The following RPH3A variants were observed in gnomAD, a reference collection of about 807,000 sequenced individuals.
RPH3A encodes rabphilin 3A.
Under a neutral mutation model 102.2 loss-of-function variants are expected in RPH3A, and 48 were observed. The ratio of observed to expected loss-of-function variants is 0.47; its 90% CI spans 0.37 to 0.60. The LOEUF (loss-of-function observed/expected upper bound fraction) is 0.60. Ranked by LOEUF, RPH3A falls within the 20% of genes least tolerant of loss-of-function variation. The pLI is 0.00. For synonymous variants in RPH3A, 310 were observed against 324.3 expected (o/e 0.96, Z 0.47); for missense variants, 781 against 910.1 (o/e 0.86, Z 1.83).
At chr12:112,711,059 A>G (rs1187257080) in intron 1 of RPH3A, among the ~76,000 whole-genome samples, 1 of 152,220 alleles carries the variant, frequency 6.6e-6, no homozygotes, top group African/African-American at 2.4e-5. Flanking sequence ...GATCAAGAAC[A>G]GCGTTTGGGA....
chr12:112,880,764 A>ATGT (rs2042895632), intron 14 of RPH3A, among the ~76,000 whole-genome samples: 1 of 152,240 alleles, frequency 6.6e-6, no homozygotes, highest in African/African-American at 2.4e-5. Context: ...TGACAACATA[A>ATGT]ACAATCAATG....
At chr12:112,702,942 C>A (rs1477188691) in intron 1 of RPH3A, among the ~76,000 whole-genome samples, 1 of 152,182 alleles carries the variant, frequency 6.6e-6, no homozygotes, top group Non-Finnish European at 1.5e-5. Context: ...TTCCCTTTCC[C>A]ATCTAGTTTT....
At chr12:112,591,467 C>T (rs2039477666) in intron 1 of RPH3A, 1 of 152,216 alleles carries the variant, frequency 6.6e-6, no homozygotes, top group Non-Finnish European at 1.5e-5. Flanking sequence ...ATTTAGTGGT[C>T]CCTGTAGCCA....
chr12:112,881,780 G>A lies in RPH3A; in HGVS notation c.1260G>A (p.Lys420=). 1.9e-6 allele frequency: 3 copies of A among 1,611,662 alleles called. No individual in the cohort carries two copies. The highest frequency in any genetic ancestry group is 2.5e-6 in the Non-Finnish European group (3 of 1,178,504). The change falls in exon 15 of 22, where the codon AAG becomes AAA. Residue 420 remains lysine, a synonymous_variant. Coordinates refer to ENST00000389385, the MANE Select transcript of RPH3A (RefSeq NM_001143854.2). ...GCCTCCTTCTCTTGCAGGGCCTGAA[G>A]CCCATGGATTCAAACGGCTTGGCTG... ...QCTIIKAKGL[K]PMDSNGLADP... is the part of the protein sequence containing the mutation.
intron 1 of RPH3A, among the ~76,000 whole-genome samples, chr12:112,633,212 C>T (rs959926672): frequency 6.6e-6 from 1 of 152,006 alleles, no homozygotes; most frequent in South Asian, 2.1e-4. Context: ...AAAACAACAA[C>T]AAGAAACAAA....
chr12:112,831,620 T>G, intron 3 of RPH3A: 1 of 277,710 alleles, frequency 3.6e-6, no homozygotes, highest in Non-Finnish European at 7.1e-6. Context: ...TTCCTGAATC[T>G]TGGTGCTTCT....
intron 1 of RPH3A, chr12:112,649,380 A>G (rs2039957675): frequency 6.6e-6 from 1 of 152,206 alleles, no homozygotes; most frequent in African/African-American, 2.4e-5. Context: ...AACTAAGGTG[A>G]TGGAGGCAGT....
chr12:112,786,069 G>A (rs757254230), intron 1 of RPH3A, among the ~76,000 whole-genome samples: 5 of 152,176 alleles, frequency 3.3e-5, no homozygotes, highest in African/African-American at 9.7e-5. Context: ...ACTGAGGTTC[G>A]GAGCATGCCA....
chr12:112,730,185 T>C (rs987138058), intron 1 of RPH3A, among the ~76,000 whole-genome samples: 2 of 152,226 alleles, frequency 1.3e-5, no homozygotes, highest in African/African-American at 2.4e-5. Context: ...CTTGGACTTC[T>C]AGCTTCCGAC....
intron 19 of RPH3A, among the ~76,000 whole-genome samples, chr12:112,891,902 A>C (rs2043102334): frequency 6.6e-6 from 1 of 152,242 alleles, no homozygotes; most frequent in South Asian, 2.1e-4. Flanking sequence ...TGTGTCAGAC[A>C]TCAGGCCCTA....
intron 1 of RPH3A, among the ~76,000 whole-genome samples, chr12:112,619,741 G>C (rs1246372120): frequency 6.6e-6 from 1 of 152,018 alleles, no homozygotes; most frequent in Non-Finnish European, 1.5e-5. Flanking sequence ...ATCCTAGTGA[G>C]TATGAAGTCT....
At chr12:112,695,413 A>G (rs909549896) in intron 1 of RPH3A, among the ~76,000 whole-genome samples, 3 of 152,220 alleles carry the variant, frequency 2.0e-5, no homozygotes, top group African/African-American at 7.2e-5. Flanking sequence ...AATCTTTTTT[A>G]AAAGATTGAG....
At position 112,879,940 on chromosome 12, in the gene RPH3A, G is replaced by C. The variant is rs140769563; in HGVS notation, c.1251+742G>C. Among the ~76,000 whole-genome samples the C allele has an allele frequency of 8.5e-5, 13 of 152,316 alleles. No individual in the cohort carries two copies. The South Asian group carries it at 2.7e-3, about 32-fold the overall frequency. On this transcript the variant is annotated intron_variant, in intron 14 of 21. Coordinates refer to ENST00000389385, the MANE Select transcript of RPH3A (RefSeq NM_001143854.2). ...TCTCAGTGTGCCTATTTGTAAATTG[G>C]GGATAATAGTAGTGTATCTCCCATA...
intron 1 of RPH3A, among the ~76,000 whole-genome samples, chr12:112,752,589 C>T (rs2040792030): frequency 9.0e-6 from 1 of 111,304 alleles, no homozygotes; most frequent in South Asian, 3.5e-4. Context: ...TATGAGCAGG[C>T]AAGTCTTTTT....
At chr12:112,852,400 A>C (rs928280651) in intron 5 of RPH3A, among the ~76,000 whole-genome samples, 2 of 152,202 alleles carry the variant, frequency 1.3e-5, no homozygotes, top group African/African-American at 4.8e-5. Context: ...ATTGGTGGCT[A>C]TCTTTATCCC....
intron 1 of RPH3A, among the ~76,000 whole-genome samples, chr12:112,639,507 C>T (rs926647213): frequency 3.9e-5 from 6 of 152,082 alleles, no homozygotes; most frequent in South Asian, 4.2e-4. Context: ...GGAGAGGTGA[C>T]GGGAGGAAGA....
chr12:112,678,446 C>T (rs2040203461), intron 1 of RPH3A, among the ~76,000 whole-genome samples: 1 of 151,970 alleles, frequency 6.6e-6, no homozygotes, highest in South Asian at 2.1e-4. Context: ...GAAACTTGAT[C>T]GGCCTTGAAT....
chr12:112,828,489 G>A (rs1240499259), intron 3 of RPH3A, 100 bp downstream of exon 3: 1 of 861,226 alleles, frequency 1.2e-6, no homozygotes, highest in African/African-American at 1.7e-5. Flanking sequence ...CTTCCCTGAG[G>A]AAGGGGGAGA....
intron 13 of RPH3A, 39 bp from the exon 14 acceptor site, chr12:112,879,080 A>G (rs374229058): frequency 3.9e-6 from 6 of 1,525,326 alleles, no homozygotes; most frequent in Non-Finnish European, 5.5e-6. Context: ...TGAGTGACTG[A>G]ATATTCGTTA....
Sources: gnomAD v4.1 joint callset for allele counts (sites outside exome capture counted in the v4.1 genomes callset) on GRCh38, gnomAD v4.1.1 for gene constraint, MANE v1.5 for transcripts, NCBI Gene and HGNC (gene_info 2026-07-23, HGNC 2026-07-21) for gene names.